The following PPP2R2B variants were observed in gnomAD, a reference collection of about 807,000 sequenced individuals.
PPP2R2B encodes the protein serine/threonine-protein phosphatase 2A 55 kDa regulatory subunit B beta isoform.
In PPP2R2B, 5 loss-of-function variants were observed where a neutral mutation model predicts 46.0. The observed-to-expected ratio is 0.11, with a 90% CI of 0.06 to 0.23. PPP2R2B has a LOEUF of 0.23. Ranked by LOEUF, PPP2R2B falls within the 10% of genes least tolerant of loss-of-function variation. The pLI is 1.00. For synonymous variants in PPP2R2B, 215 were observed against 206.7 expected (o/e 1.04, Z -0.34); for missense variants, 367 against 575.0 (o/e 0.64, Z 3.70).
chr5:146,753,625 T>C (rs528202052), intron 2 of PPP2R2B, among the ~76,000 whole-genome samples: 94 of 152,218 alleles, frequency 6.2e-4, no homozygotes, highest in Admixed American at 1.2e-3. Context: ...AGGAATTCGG[T>C]CTGATGCTCG....
intron 1 of PPP2R2B, among the ~76,000 whole-genome samples, chr5:146,931,610 C>A (rs1436720022): frequency 6.6e-6 from 1 of 152,054 alleles, no homozygotes; most frequent in East Asian, 1.9e-4. Context: ...CGAGGGTAAA[C>A]AAGAGGCACT....
At chr5:147,044,771 A>T (rs1222569057) in intron 1 of PPP2R2B, among the ~76,000 whole-genome samples, 6 of 152,184 alleles carry the variant, frequency 3.9e-5, no homozygotes, top group African/African-American at 1.4e-4. Flanking sequence ...TGCTGTTTCT[A>T]TAGGAATATA....
intron 1 of PPP2R2B, among the ~76,000 whole-genome samples, chr5:146,896,610 G>A (rs983030459): frequency 1.3e-5 from 2 of 152,074 alleles, no homozygotes. Context: ...AATGCCCTGT[G>A]GTGGTGAGAT....
Position 146,590,093 on chromosome 5 carries a change from C to A in PPP2R2B, c.1186G>T (p.Gly396Trp), listed in dbSNP as rs780732593. The stretch of plus-strand genomic sequence containing the variant: ...ATCTCGTCTTTTCTCCGCTTGCCCC[C>A]CACACACACTTTTCGGGGTTTGAGG... ...AILKPRKVCV[G>W]GKRRKDEISV... The change falls in exon 10 of 10, where the codon GGG becomes TGG. Residue 396 changes from glycine to tryptophan, a missense_variant. Coordinates refer to ENST00000394411, the MANE Select transcript of PPP2R2B (RefSeq NM_181675.4). 2.5e-6 allele frequency: 4 copies of A among 1,614,120 alleles called. No homozygotes were observed. The highest frequency in any genetic ancestry group is 3.4e-6 in the Non-Finnish European group (4 of 1,180,042).
chr5:146,607,256 A>G (rs1772383436), intron 7 of PPP2R2B: 1 of 152,216 alleles, frequency 6.6e-6, no homozygotes, highest in Admixed American at 6.5e-5. Context: ...ACTGGCCTTT[A>G]TCCAGCTGAG....
At chr5:146,707,297 C>T (rs1285138011) in intron 2 of PPP2R2B, 105 of 1,425,464 alleles carry the variant, frequency 7.4e-5, no homozygotes, top group Non-Finnish European at 9.7e-5. Context: ...ACCTTGTCGA[C>T]GAAGGAGGCA....
At chr5:146,700,812 T>G (rs1375456922) in intron 3 of PPP2R2B, among the ~76,000 whole-genome samples, 1 of 152,190 alleles carries the variant, frequency 6.6e-6, no homozygotes, top group Admixed American at 6.5e-5. Flanking sequence ...GAAGTTGTTT[T>G]GCAGGTGTAA....
chr5:146,935,428 T>G (rs572047647), intron 1 of PPP2R2B, among the ~76,000 whole-genome samples: 1 of 152,334 alleles, frequency 6.6e-6, no homozygotes, highest in South Asian at 2.1e-4. Flanking sequence ...GCTTATGATA[T>G]TTTATTATAG....
rs140290549 is a variant in PPP2R2B, at chr5:146,738,797, C to A, written c.71-37655G>T. ...CTTTATTCTAGCTTATACTAGAGAA[C>A]AATAAAACTAATTATACTGAGGGTT... On this transcript the variant is annotated intron_variant, in intron 2 of 9. Transcript: ENST00000394411. Among the ~76,000 whole-genome samples the A allele has an allele frequency of 2.4e-3, 370 of 152,170 alleles. 4 individuals carry two copies. The highest frequency in any genetic ancestry group is 8.4e-3 in the African/African-American group (347 of 41,522).
chr5:146,591,654 CAAGT>C (rs1561748433), intron 9 of PPP2R2B, among the ~76,000 whole-genome samples: 1 of 111,412 alleles, frequency 9.0e-6, no homozygotes, highest in African/African-American at 3.6e-5. Context: ...TATTTTTAAA[CAAGT>C]AAGAGATTAT....
In PPP2R2B at chr5:146,965,251, AAAT is replaced by A. The variant is rs1426814138; in HGVS notation, c.79+90411_79+90413del. On this transcript the variant is annotated intron_variant, in intron 1 of 8. Transcript: ENST00000336640. ...CATATGTTTGTTTCCTCCAGAAATA[AAAT>A]AATAATATTTTTCAAGCTATAGAAT... Among the ~76,000 whole-genome samples the A allele has an allele frequency of 4.6e-5, 7 of 152,206 alleles. No individual in the cohort carries two copies. In the South Asian group the frequency reaches 8.3e-4, roughly 18 times the overall value.
chr5:146,961,549 G>A (rs1400610304), intron 1 of PPP2R2B, among the ~76,000 whole-genome samples: 1 of 152,084 alleles, frequency 6.6e-6, no homozygotes, highest in Non-Finnish European at 1.5e-5. Flanking sequence ...TTAATTACTA[G>A]GAAGCTTGAA....
At chr5:146,876,815 AG>A (rs1329354238) in intron 2 of PPP2R2B, among the ~76,000 whole-genome samples, 3 of 152,168 alleles carry the variant, frequency 2.0e-5, no homozygotes, top group Admixed American at 6.5e-5. Context: ...TAGAACTTCC[AG>A]GGATGTTTAT....
intron 6 of PPP2R2B, among the ~76,000 whole-genome samples, chr5:146,639,977 G>A (rs1041590366): frequency 2.0e-5 from 3 of 152,144 alleles, no homozygotes; most frequent in Non-Finnish European, 2.9e-5. Context: ...AGACTGAGAT[G>A]GATGAAAGTC....
chr5:146,986,010 A>G (rs1221860374), intron 1 of PPP2R2B, among the ~76,000 whole-genome samples: 1 of 152,186 alleles, frequency 6.6e-6, no homozygotes, highest in African/African-American at 2.4e-5. Flanking sequence ...CAACAAGAAC[A>G]TCAAATTGAA....
upstream of PPP2R2B, among the ~76,000 whole-genome samples, chr5:147,058,812 T>C (rs547024088): frequency 2.0e-5 from 3 of 152,276 alleles, no homozygotes; most frequent in East Asian, 3.9e-4. Flanking sequence ...AGCAATCCCA[T>C]TTTATAGAAG....
intron 2 of PPP2R2B, among the ~76,000 whole-genome samples, chr5:146,843,142 G>A (rs530876527): frequency 1.2e-4 from 18 of 152,348 alleles, no homozygotes; most frequent in African/African-American, 3.6e-4. Flanking sequence ...AGCCCAGATC[G>A]TGCCATTGCA....
chr5:146,623,046 G>T (rs1476036974), intron 7 of PPP2R2B, among the ~76,000 whole-genome samples: 2 of 152,092 alleles, frequency 1.3e-5, no homozygotes, highest in Non-Finnish European at 2.9e-5. Context: ...CTACAATTTA[G>T]TATCCATGAA....
chr5:146,936,528 AG>A (rs66710944), intron 1 of PPP2R2B, among the ~76,000 whole-genome samples: 22,608 of 139,520 alleles, frequency 0.16, 2,034 homozygotes, highest in East Asian at 0.27. Flanking sequence ...AAAAAAAAAA[AG>A]AAAAAACAAG....
Sources: allele counts gnomAD v4.1 joint callset (sites outside exome capture counted in the v4.1 genomes callset), GRCh38; gene constraint gnomAD v4.1.1; transcripts MANE v1.5; gene names NCBI Gene and HGNC (gene_info 2026-07-23, HGNC 2026-07-21).